The following NR4A2 variants were observed in gnomAD, a reference collection of about 807,000 sequenced individuals.
The protein encoded by NR4A2 is nuclear receptor subfamily 4 group A member 2, also known as NGFI-B/nur77 beta-type transcription factor homolog.
In NR4A2, 1 loss-of-function variant was observed where a neutral mutation model predicts 50.5. That is an observed-to-expected ratio of 0.02 (90% CI 0.01 to 0.09). The LOEUF is 0.09. Ranked by LOEUF, NR4A2 falls within the 10% of genes least tolerant of loss-of-function variation. The probability of loss-of-function intolerance (pLI) is 1.00; values close to 1 mark genes in which losing one functional copy is unlikely to be tolerated. For synonymous variants in NR4A2, 328 were observed against 309.4 expected (o/e 1.06, Z -0.63); for missense variants, 613 against 777.3 (o/e 0.79, Z 2.51).
In NR4A2 at chr2:156,328,672, T is replaced by A. The variant is rs1558867423; in HGVS notation, c.865-139A>T. 9.2e-7 allele frequency: 1 copy of A among 1,088,984 alleles called. No homozygotes were observed. Among genetic ancestry groups the A allele is most frequent in the Non-Finnish European group, 1.4e-6 (1 of 739,234 alleles). The allele number at this position is 1,088,984 out of a possible 1,614,324, so 67.5% of individuals were successfully genotyped here. A position where few individuals can be genotyped will look rare whatever the true frequency, so the allele number is the denominator to read the frequency against. The stretch of plus-strand genomic sequence containing the variant: ...CACATACACACAATTCCATTTTATT[T>A]TTTTCTCTTCCTTTTCTTTCTTTCT... On this transcript the variant is annotated intron_variant, in intron 3 of 7. Transcript: ENST00000339562. This position sits in a 1 kb window ranked among gnomAD's most constrained non-coding sequence, Gnocchi z 4.9.
chr2:156,332,379 C>T, intron 1 of NR4A2, 101 bp downstream of exon 1: 1 of 1,024,566 alleles, frequency 9.8e-7, no homozygotes, highest in African/African-American at 1.6e-5. Flanking sequence ...CCTCTGGCTC[C>T]CACTTCCAGA....
rs779181208 is a variant in NR4A2, at chr2:156,326,193, G to A, written c.1497C>T (p.Asp499=). 7 of 1,614,094 alleles carry A rather than the reference G, an allele frequency of 4.3e-6. No individual in the cohort carries two copies. In the Admixed American group the frequency reaches 1.2e-4, roughly 27 times the overall value. ...CAGCAATGCAGGAGAAGGCAGAAAT[G>A]TCGATGTTCATATTCTGCAAGTTGG... ...FSSNLQNMNI[D]ISAFSCIAAL... Residue 499 remains aspartate (D), a synonymous_variant, in exon 7 of 8, where the codon GAC becomes GAT. Coordinates refer to ENST00000339562, the MANE Select transcript of NR4A2 (RefSeq NM_006186.4). The surrounding 1 kb of genome is among the most constrained non-coding windows in gnomAD (Gnocchi z 4.2).
chr2:156,328,861 A>T lies in NR4A2; in HGVS notation c.865-328T>A, dbSNP rs1686774245. On this transcript the variant is annotated intron_variant, in intron 3 of 7. Transcript: ENST00000339562. The surrounding 1 kb of genome is among the most constrained non-coding windows in gnomAD (Gnocchi z 4.9). The stretch of plus-strand genomic sequence containing the variant: ...CATTCATATTATTTACATTCCTTGG[A>T]GACCTTCTCTATTTAAAATGATAAG... 6.6e-6 allele frequency among the ~76,000 whole-genome samples: 1 copy of T among 152,178 alleles called. No individual in the cohort carries two copies. Among genetic ancestry groups the T allele is most frequent in the Non-Finnish European group, 1.5e-5 (1 of 68,038 alleles).
In NR4A2 at chr2:156,329,923, G is replaced by A. The variant is rs1188333471; in HGVS notation, c.264C>T (p.Ser88=). ...LYQMPLSGQQ[S]SIKVEDIQMH... ...TCTGAATGTCTTCTACCTTAATGGA[G>A]GACTGCTGTCCGGACAGGGGCATTT... is the stretch of plus-strand genomic sequence containing the variant. The change falls in exon 3 of 8, where the codon TCC becomes TCT. Residue 88 remains serine, a synonymous_variant. Coordinates refer to ENST00000339562, the MANE Select transcript of NR4A2 (RefSeq NM_006186.4). The surrounding 1 kb of genome is among the most constrained non-coding windows in gnomAD (Gnocchi z 7.5). The A allele has an allele frequency of 1.2e-6, 2 of 1,614,174 alleles. No homozygotes were observed. Among genetic ancestry groups the A allele is most frequent in the South Asian group, 2.2e-5 (2 of 91,088 alleles).
chr2:156,332,375 G>T (rs1160791875), intron 1 of NR4A2, 105 bp downstream of exon 1: 6 of 986,318 alleles, frequency 6.1e-6, no homozygotes, highest in East Asian at 6.0e-5. Flanking sequence ...GAAGCCTCTG[G>T]CTCCCACTTC....
At chr2:156,327,578 ATGGGGTAG>A (rs1406042644) in intron 5 of NR4A2, among the ~76,000 whole-genome samples, 1 of 151,776 alleles carries the variant, frequency 6.6e-6, no homozygotes, top group African/African-American at 2.4e-5. Flanking sequence ...AGGAGGGGCG[ATGGGGTAG>A]TGGGGTAGTG....
At position 156,328,252 on chromosome 2, in the gene NR4A2, G is replaced by T; in HGVS notation, c.994+152C>A. The T allele has an allele frequency of 7.5e-7, 1 of 1,338,326 alleles. No individual in the cohort carries two copies. Among genetic ancestry groups the T allele is most frequent in the Non-Finnish European group, 1.1e-6 (1 of 943,416 alleles). The allele number at this position is 1,338,326 out of a possible 1,614,324, so 82.9% of individuals were successfully genotyped here. ...GGGCCTGGCGGCTTTCTCTAGGGAA[G>T]GCCGGGCAAGCAGGCAGCTGCAGGG... is the stretch of plus-strand genomic sequence containing the variant. On this transcript the variant is annotated intron_variant, in intron 4 of 7. Coordinates refer to ENST00000339562, the MANE Select transcript of NR4A2 (RefSeq NM_006186.4). The surrounding 1 kb of genome is among the most constrained non-coding windows in gnomAD (Gnocchi z 4.9).
rs1686740474 is a variant in NR4A2, at chr2:156,328,127, G to A, written c.995-113C>T. 1.5e-5 allele frequency: 21 copies of A among 1,402,130 alleles called. No individual in the cohort carries two copies. In the South Asian group the frequency reaches 2.4e-4, roughly 16 times the overall value. The allele number at this position is 1,402,130 out of a possible 1,614,324, so 86.9% of individuals were successfully genotyped here. On this transcript the variant is annotated intron_variant, in intron 4 of 7. Coordinates refer to ENST00000339562, the MANE Select transcript of NR4A2 (RefSeq NM_006186.4). The surrounding 1 kb of genome is among the most constrained non-coding windows in gnomAD (Gnocchi z 4.9). The stretch of plus-strand genomic sequence containing the variant: ...CGGGGCACCAGGCTGAGCGGCTGAG[G>A]GCCCCAGTGCTTGTAAAGCCTTCAC...
chr2:156,332,368 G>T, intron 1 of NR4A2, 112 bp downstream of exon 1: 1 of 902,156 alleles, frequency 1.1e-6, no homozygotes. Context: ...CTCACTAGAA[G>T]CCTCTGGCTC....
In NR4A2 at chr2:156,329,077, G is replaced by A. The variant is rs756173361; in HGVS notation, c.864+246C>T. On this transcript the variant is annotated intron_variant, in intron 3 of 7. Transcript: ENST00000339562. The surrounding 1 kb of genome is among the most constrained non-coding windows in gnomAD (Gnocchi z 7.5). ...CAGCAACTTCGGGCGGGGGCCAGCC[G>A]GGTCGGCTGAATGCGAGGGGGATGC... Among the ~76,000 whole-genome samples, 117 of 152,334 alleles carry A rather than the reference G, an allele frequency of 7.7e-4. No homozygotes were observed. The highest frequency in any genetic ancestry group is 1.1e-3 in the Non-Finnish European group (78 of 68,032).
Position 156,325,022 on chromosome 2 carries a change from G to A in NR4A2, c.*722C>T, listed in dbSNP as rs1344658678. ...TTTATATAATATAGACATTACTGAA[G>A]TAGCAAGTGCCTATAACATTTTCAA... On this transcript the variant is annotated 3_prime_UTR_variant, in exon 8 of 8. Transcript: ENST00000339562. 6.5e-6 allele frequency: 1 copy of A among 152,756 alleles called. No homozygotes were observed. Among genetic ancestry groups the A allele is most frequent in the Non-Finnish European group, 1.5e-5 (1 of 68,204 alleles). 9.5% of individuals were successfully genotyped at this position (152,756 alleles called of 1,614,324 possible).
In NR4A2 at chr2:156,325,954, G is replaced by C; in HGVS notation, c.1587C>G (p.Asn529Lys). 1.2e-6 allele frequency: 2 copies of C among 1,614,142 alleles called. No homozygotes were observed. The highest frequency in any genetic ancestry group is 1.7e-6 in the Non-Finnish European group (2 of 1,180,016). Reference sequence around the variant, plus strand: ...GGTCTTTGAGACAATTTACAATCTTGTTTTGCAGTTCTTCCACTCTCTTGG... The same window carrying C: ...GGTCTTTGAGACAATTTACAATCTTCTTTTGCAGTTCTTCCACTCTCTTGG... ...KEPKRVEELQ[N>K]KIVNCLKDHV... The change falls in exon 8 of 8, where the codon AAC becomes AAG. Residue 529 changes from asparagine to lysine, a missense_variant. By Grantham distance (94) the Asn-to-Lys change is moderately conservative. Around this residue, in one of 4 missense-constraint regions of NR4A2, gnomAD observed 250 missense variants for 311.3 expected, o/e 0.80. Coordinates refer to ENST00000339562, the MANE Select transcript of NR4A2 (RefSeq NM_006186.4).
Position 156,325,722 on chromosome 2 carries a change from T to C in NR4A2, c.*22A>G, listed in dbSNP as rs770352891. The C allele has an allele frequency of 4.2e-5, 67 of 1,613,880 alleles. No individual in the cohort carries two copies. In the South Asian group the frequency reaches 6.8e-4, roughly 16 times the overall value. The stretch of plus-strand genomic sequence containing the variant: ...AGTTTCCATTATCATTCCAGTTCCT[T>C]TGAAGTGCTTGGGAGGAGGTCTTAG... On this transcript the variant is annotated 3_prime_UTR_variant, in exon 8 of 8. Transcript: ENST00000339562.
intron 1 of NR4A2, 84 bp downstream of exon 1, chr2:156,332,396 G>T: frequency 1.7e-6 from 2 of 1,150,566 alleles, no homozygotes; most frequent in Non-Finnish European, 2.3e-6. Context: ...CAGAGAACCT[G>T]TCCCACACAA....
Position 156,325,573 on chromosome 2 carries a change from T to A in NR4A2, c.*171A>T. Reference sequence around the variant, plus strand: ...TGCAGGTTAGGAAATAGCAACAGTTTTTGTTTGTTTGTTTGTTTTCTTTAG... The same window carrying A: ...TGCAGGTTAGGAAATAGCAACAGTTATTGTTTGTTTGTTTGTTTTCTTTAG... On this transcript the variant is annotated 3_prime_UTR_variant, in exon 8 of 8. Coordinates refer to ENST00000339562, the MANE Select transcript of NR4A2 (RefSeq NM_006186.4). The A allele has an allele frequency of 1.2e-6, 1 of 848,564 alleles. No individual in the cohort carries two copies. Among genetic ancestry groups the A allele is most frequent in the Non-Finnish European group, 1.9e-6 (1 of 536,786 alleles). 52.6% of individuals were successfully genotyped at this position (848,564 alleles called of 1,614,324 possible).
chr2:156,327,658 C>T (rs968292205), intron 5 of NR4A2, among the ~76,000 whole-genome samples, 193 bp downstream of exon 5: 1 of 152,180 alleles, frequency 6.6e-6, no homozygotes, highest in Non-Finnish European at 1.5e-5. Context: ...ATCCTGTCCT[C>T]ATGTCTATGC....
At chr2:156,327,756 C>T in intron 5 of NR4A2, 95 bp downstream of exon 5, 2 of 1,473,266 alleles carry the variant, frequency 1.4e-6, no homozygotes, top group Non-Finnish European at 1.9e-6. Flanking sequence ...GCCTTCTTTA[C>T]CCCCGTTGAA....
Position 156,325,772 on chromosome 2 carries a change from T to A in NR4A2, c.1769A>T (p.Lys590Ile). The A allele has an allele frequency of 6.2e-7, 1 of 1,614,106 alleles. No homozygotes were observed. The highest frequency in any genetic ancestry group is 8.5e-7 in the Non-Finnish European group (1 of 1,180,030). Residue 590 changes from lysine to isoleucine, a missense_variant, in exon 8 of 8, where the codon AAA becomes ATA. Coordinates refer to ENST00000339562, the MANE Select transcript of NR4A2 (RefSeq NM_006186.4). ...GAAAGGTAAAGTGTCCAGGAAAAGT[T>A]TGTCAATTATTGCTGGCGGTGGCAC... ...DLVPPPAIID[K>I]LFLDTLPF
rs772647221 is a variant in NR4A2, at chr2:156,327,989, G to A, written c.1020C>T (p.Gly340=). ...KEVVRTDSLK[G]RRGRLPSKPK... is the part of the protein sequence containing the mutation. The stretch of plus-strand genomic sequence containing the variant: ...GTTTCGAGGGCAAACGACCTCTCCG[G>A]CCTTTTAAACTGTCTGTGCGAACCA... The change falls in exon 5 of 8, where the codon GGC becomes GGT. Residue 340 remains glycine (G), a synonymous_variant. Coordinates refer to ENST00000339562, the MANE Select transcript of NR4A2 (RefSeq NM_006186.4). 10 of 1,605,554 alleles carry A rather than the reference G, an allele frequency of 6.2e-6. No homozygotes were observed. In the East Asian group the frequency reaches 2.2e-4, roughly 36 times the overall value.
Sources: gnomAD v4.1 joint callset for allele counts (sites outside exome capture counted in the v4.1 genomes callset) on GRCh38, gnomAD v4.1.1 for gene constraint, gnomAD v4.1.1 regional missense constraint, Gnocchi (gnomAD v3.1) non-coding constraint, MANE v1.5 for transcripts, NCBI Gene and HGNC (gene_info 2026-07-23, HGNC 2026-07-21) for gene names.